The following SCN3A variants were observed in gnomAD, a reference collection of about 807,000 sequenced individuals.
SCN3A encodes sodium channel protein type 3 subunit alpha.
In SCN3A, 60 loss-of-function variants were observed where a neutral mutation model predicts 187.6. The ratio of observed to expected loss-of-function variants is 0.32; its 90% confidence interval spans 0.26 to 0.40. The LOEUF is 0.40. Among genes scored for constraint, SCN3A ranks in the 10% least tolerant of loss-of-function variants. The probability of loss-of-function intolerance (pLI) is 1.00; values close to 1 mark genes in which losing one functional copy is unlikely to be tolerated. For synonymous variants in SCN3A, 788 were observed against 829.2 expected (o/e 0.95, Z 0.85); for missense variants, 1,601 against 2,428.2 (o/e 0.66, Z 7.16).
At chr2:165,153,246 A>T (rs1009252751) in intron 11 of SCN3A, among the ~76,000 whole-genome samples, 1 of 152,120 alleles carries the variant, frequency 6.6e-6, no homozygotes, top group African/African-American at 2.4e-5. Flanking sequence ...TACTCATTTT[A>T]AAAAAGTGAA....
intron 1 of SCN3A, among the ~76,000 whole-genome samples, chr2:165,187,462 T>G (rs1691316149): frequency 6.6e-6 from 1 of 152,230 alleles, no homozygotes; most frequent in South Asian, 2.1e-4. Flanking sequence ...CAATATTTAC[T>G]GCAATTCATT....
chr2:165,089,051 G>A lies in SCN3A; in HGVS notation c.*1099C>T, dbSNP rs962033016. On this transcript the variant is annotated 3_prime_UTR_variant, in exon 28 of 28. Transcript: ENST00000283254. Reference sequence around the variant, plus strand: ...GGATTGAGTAAAATAGAGCAGCATAGGCAATATTAACATGCATTAGTGATA... The same window carrying A: ...GGATTGAGTAAAATAGAGCAGCATAAGCAATATTAACATGCATTAGTGATA... 6.6e-6 allele frequency: 1 copy of A among 152,500 alleles called. No individual in the cohort carries two copies. The highest frequency in any genetic ancestry group is 1.5e-5 in the Non-Finnish European group (1 of 67,968). The allele number at this position is 152,500 out of a possible 1,614,324, so 9.4% of individuals were successfully genotyped here.
Position 165,092,550 on chromosome 2 carries a change from G to C in SCN3A, c.4537-26C>G, listed in dbSNP as rs1249291489. The C allele has an allele frequency of 3.1e-6, 5 of 1,593,330 alleles. No individual in the cohort carries two copies. The highest frequency in any genetic ancestry group is 4.3e-6 in the Non-Finnish European group (5 of 1,161,696). On this transcript the variant is annotated intron_variant, in intron 26 of 27. Coordinates refer to ENST00000283254, the MANE Select transcript of SCN3A (RefSeq NM_006922.4). This position sits in a 1 kb window ranked among gnomAD's most constrained non-coding sequence, Gnocchi z 4.2. ...CTAGAAAGTGAGAGAAGAGAAATAAGGTTACTATATATATTTCATAAAGAA... is the reference window on the plus strand; with the variant it reads ...CTAGAAAGTGAGAGAAGAGAAATAACGTTACTATATATATTTCATAAAGAA...
chr2:165,185,164 T>C (rs763061525), intron 2 of SCN3A, among the ~76,000 whole-genome samples: 2 of 152,208 alleles, frequency 1.3e-5, no homozygotes, highest in Non-Finnish European at 2.9e-5. Context: ...TTTCTGTGAC[T>C]TCGTCCTTAT....
Position 165,131,366 on chromosome 2 carries a change from C to A in SCN3A, c.2443G>T (p.Asp815Tyr). The change falls in exon 16 of 28, where the codon GAT becomes TAT. Residue 815 changes from aspartate to tyrosine, a missense_variant. By Grantham distance (160) the Asp-to-Tyr change is radical. Around this residue, in one of 11 missense-constraint regions of SCN3A, gnomAD observed 376 missense variants for 476.0 expected, o/e 0.79. Transcript: ENST00000283254. ...AEMVLKIIAM[D>Y]PYYYFQEGWN... ...CCTTCTTGGAAATAGTAATAAGGAT[C>A]CATGGCAATGATCTTGAGAACCATT... is the stretch of plus-strand genomic sequence containing the variant. The A allele has an allele frequency of 2.5e-6, 4 of 1,607,652 alleles. No homozygotes were observed. Among genetic ancestry groups the A allele is most frequent in the Non-Finnish European group, 3.4e-6 (4 of 1,176,168 alleles).
At chr2:165,139,766 T>G (rs1687888194) in intron 13 of SCN3A, 158 bp from the exon 14 acceptor site, 1 of 902,386 alleles carries the variant, frequency 1.1e-6, no homozygotes, top group Non-Finnish European at 1.7e-6. Flanking sequence ...AACAGTTTTT[T>G]TTTTAAAAAA....
chr2:165,139,601 G>A lies in SCN3A; in HGVS notation c.2027C>T (p.Thr676Ile), dbSNP rs762573176. Residue 676 changes from threonine (T) to isoleucine (I), a missense_variant, in exon 14 of 28, where the codon ACC becomes ATC. By Grantham distance (89) the Thr-to-Ile change is moderately conservative. Coordinates refer to ENST00000283254, the MANE Select transcript of SCN3A (RefSeq NM_006922.4). Reference protein sequence around the residue: ...PTGQLPPEGTTTETEVRKRRL... With the variant: ...PTGQLPPEGTITETEVRKRRL... Reference sequence around the variant, plus strand: ...TCTCTTTCTGACTTCCGTTTCTGTGGTGGTGCCCTGCAAACCAAATACTGA... The same window carrying A: ...TCTCTTTCTGACTTCCGTTTCTGTGATGGTGCCCTGCAAACCAAATACTGA... The A allele has an allele frequency of 1.9e-6, 3 of 1,613,702 alleles. No individual in the cohort carries two copies. In the South Asian group the frequency reaches 3.3e-5, roughly 18 times the overall value.
chr2:165,096,403 A>C, intron 24 of SCN3A, 64 bp downstream of exon 24: 2 of 1,321,828 alleles, frequency 1.5e-6, no homozygotes, highest in Admixed American at 1.7e-5. Context: ...TCAGTGTTTA[A>C]ATTACCACCA....
chr2:165,091,570 C>T (rs1483842221), intron 27 of SCN3A, among the ~76,000 whole-genome samples: 1 of 152,104 alleles, frequency 6.6e-6, no homozygotes, highest in Non-Finnish European at 1.5e-5. Context: ...CAAATAATCT[C>T]CAATGGTAGC....
At chr2:165,188,381 C>T (rs78466853) in intron 1 of SCN3A, among the ~76,000 whole-genome samples, 1,710 of 152,140 alleles carry the variant, frequency 0.011, 57 homozygotes, top group South Asian at 0.093. Flanking sequence ...CTTCAAACTG[C>T]GTTATATCTT....
At chr2:165,134,090 A>G (rs1365095075) in intron 15 of SCN3A, among the ~76,000 whole-genome samples, 1 of 152,202 alleles carries the variant, frequency 6.6e-6, no homozygotes. Context: ...AAGAAGCTGC[A>G]GATTTAATTG....
rs749832883 is a variant in SCN3A at position 165,090,271 on chromosome 2, C to T, written c.5882G>A (p.Ser1961Asn). 7 of 1,612,412 alleles carry T rather than the reference C, an allele frequency of 4.3e-6. No individual in the cohort carries two copies. Among genetic ancestry groups the T allele is most frequent in the Non-Finnish European group, 5.1e-6 (6 of 1,179,094 alleles). ...GGAAGGAGGAGAGGTGGTAGAGGAACTCCCATCTGTTTTTTCTGGAGTGGA... is the reference window on the plus strand; with the variant it reads ...GGAAGGAGGAGAGGTGGTAGAGGAATTCCCATCTGTTTTTTCTGGAGTGGA... ...GNSTPEKTDG[S>N]SSTTSPPSYD... is the part of the protein sequence containing the mutation. Residue 1961 changes from serine (S) to asparagine (N), a missense_variant, in exon 28 of 28, where the codon AGT becomes AAT. This residue lies in a region of SCN3A where 87 missense variants were observed against 89.2 expected (regional missense o/e 0.98). Transcript: ENST00000283254. The surrounding 1 kb of genome is among the most constrained non-coding windows in gnomAD (Gnocchi z 4.0).
intron 21 of SCN3A, among the ~76,000 whole-genome samples, chr2:165,110,387 G>A (rs1424190983): frequency 6.6e-6 from 1 of 152,176 alleles, no homozygotes; most frequent in Non-Finnish European, 1.5e-5. Context: ...GAGAATTGAA[G>A]AGGTTACATT....
In SCN3A at chr2:165,090,032, G is replaced by C; in HGVS notation, c.*118C>G. ...ACTGTCTTGTATAGGCACTGACTAT[G>C]AGTATTTGTTAAAACAGTCAGTTTG... On this transcript the variant is annotated 3_prime_UTR_variant, in exon 28 of 28. Coordinates refer to ENST00000283254, the MANE Select transcript of SCN3A (RefSeq NM_006922.4). The surrounding 1 kb of genome is among the most constrained non-coding windows in gnomAD (Gnocchi z 4.0). The C allele has an allele frequency of 3.5e-6, 5 of 1,416,420 alleles. No homozygotes were observed. In the South Asian group the frequency reaches 6.5e-5, roughly 18 times the overall value. 87.7% of individuals were successfully genotyped at this position (1,416,420 alleles called of 1,614,324 possible). A position where few individuals can be genotyped will look rare whatever the true frequency, so the allele number is the denominator to read the frequency against.
intron 2 of SCN3A, among the ~76,000 whole-genome samples, chr2:165,185,066 A>C (rs1421248898): frequency 4.6e-5 from 7 of 152,082 alleles, no homozygotes; most frequent in African/African-American, 1.7e-4. Context: ...GCTCTGAAAA[A>C]AAAAAAAAGC....
chr2:165,184,618 C>G (rs1057332923), intron 2 of SCN3A, among the ~76,000 whole-genome samples: 1 of 151,898 alleles, frequency 6.6e-6, no homozygotes, highest in African/African-American at 2.4e-5. Flanking sequence ...GTATAAAGCC[C>G]TGTGTCAGGA....
chr2:165,146,000 T>C (rs1389463054), intron 12 of SCN3A, among the ~76,000 whole-genome samples: 1 of 152,094 alleles, frequency 6.6e-6, no homozygotes, highest in African/African-American at 2.4e-5. Flanking sequence ...TTGAAACTAG[T>C]TTTTACTCTT....
At chr2:165,136,744 C>T (rs533065097) in intron 15 of SCN3A, among the ~76,000 whole-genome samples, 62 of 152,312 alleles carry the variant, frequency 4.1e-4, no homozygotes, top group African/African-American at 1.3e-3. Context: ...AAATGGGACA[C>T]GGCCTTTGCC....
At chr2:165,149,924 T>G (rs748187079) in intron 11 of SCN3A, among the ~76,000 whole-genome samples, 3 of 152,216 alleles carry the variant, frequency 2.0e-5, no homozygotes, top group Non-Finnish European at 4.4e-5. Flanking sequence ...CTTTGTTCAT[T>G]TTATGTATAT....
Sources: gnomAD v4.1 joint callset for allele counts (sites outside exome capture counted in the v4.1 genomes callset) on GRCh38, gnomAD v4.1.1 for gene constraint, gnomAD v4.1.1 regional missense constraint, Gnocchi (gnomAD v3.1) non-coding constraint, MANE v1.5 for transcripts, NCBI Gene and HGNC (gene_info 2026-07-23, HGNC 2026-07-21) for gene names.